FOCAD: variants seen among roughly 807,000 people sequenced by gnomAD.
The protein encoded by FOCAD is focadhesin.
A neutral mutation model predicts 225.6 loss-of-function variants in FOCAD; 198 were observed. That is an observed-to-expected ratio of 0.88 (90% CI 0.78 to 0.99). The LOEUF (loss-of-function observed/expected upper bound fraction) is 0.99. Ranked by LOEUF, FOCAD falls within the 50% of genes least tolerant of loss-of-function variation. The pLI, the probability that FOCAD is intolerant of heterozygous loss-of-function variation, is 0.00. For synonymous variants in FOCAD, 897 were observed against 755.0 expected, an observed-to-expected ratio of 1.19 and a Z score of -3.08; for missense variants, 2,713 against 2,123.6, an observed-to-expected ratio of 1.28 and a Z score of -5.46.
intron 11 of FOCAD, among the ~76,000 whole-genome samples, chr9:20,797,303 C>T (rs1037160405): frequency 2.6e-5 from 4 of 152,080 alleles, no homozygotes; most frequent in African/African-American, 7.2e-5. Flanking sequence ...AATGTGGGCT[C>T]CTTTTTGGTT....
rs1841047180 is a variant in FOCAD, at chr9:20,985,188, C to A, written c.4729-1100C>A. On this transcript the variant is annotated intron_variant, in intron 39 of 43. Transcript: ENST00000338382. ...CTCATATACTTTGTTACATTAAATT[C>A]CACAGGTCTGTTTTACACTTTGGGT... is the stretch of plus-strand genomic sequence containing the variant. 2.0e-5 allele frequency among the ~76,000 whole-genome samples: 3 copies of A among 152,308 alleles called. No individual in the cohort carries two copies. The South Asian group carries it at 6.2e-4, about 32-fold the overall frequency.
chr9:20,799,810 C>T (rs553495630), intron 11 of FOCAD, among the ~76,000 whole-genome samples: 2 of 151,974 alleles, frequency 1.3e-5, no homozygotes, highest in East Asian at 1.9e-4. Context: ...CAATTTGCCA[C>T]TCTGTGTCTT....
intron 11 of FOCAD, among the ~76,000 whole-genome samples, chr9:20,799,439 C>T (rs1201553347): frequency 2.0e-5 from 3 of 151,942 alleles, no homozygotes; most frequent in Non-Finnish European, 1.5e-5. Context: ...CTAATGTTGA[C>T]AGTGGGGTGT....
intron 15 of FOCAD, among the ~76,000 whole-genome samples, chr9:20,848,371 T>A (rs576399056): frequency 6.6e-6 from 1 of 152,192 alleles, no homozygotes; most frequent in African/African-American, 2.4e-5. Flanking sequence ...AGAGGTCTCA[T>A]GGCCTACAGT....
intron 29 of FOCAD, among the ~76,000 whole-genome samples, chr9:20,945,750 A>G (rs1440900800): frequency 1.3e-5 from 2 of 152,216 alleles, no homozygotes; most frequent in Non-Finnish European, 2.9e-5. Context: ...TTGATTTATA[A>G]GGCCTTAAGC....
intron 19 of FOCAD, 88 bp downstream of exon 19, chr9:20,874,895 A>G: frequency 6.7e-7 from 1 of 1,501,618 alleles, no homozygotes; most frequent in Non-Finnish European, 9.2e-7. Flanking sequence ...TACATAGTAT[A>G]GTTTAACCTT....
chr9:20,986,486 A>G (rs372164196), intron 40 of FOCAD, 21 bp downstream of exon 40: 15 of 1,569,662 alleles, frequency 9.6e-6, no homozygotes, highest in Non-Finnish European at 1.3e-5. Flanking sequence ...CCTGGGGTGA[A>G]CATCAGAAAC....
rs1015378882 is a variant in FOCAD at position 20,752,640 on chromosome 9, G to A, written c.393-5450G>A. ...TGGCTTAGGATTGACTCGGCGATGC[G>A]GGCTCTATTTTGGTTCCATATGAAC... On this transcript the variant is annotated intron_variant, in intron 5 of 43. Transcript: ENST00000338382. Among the ~76,000 whole-genome samples the A allele has an allele frequency of 1.5e-3, 229 of 151,966 alleles. 4 individuals are homozygous for A. Among genetic ancestry groups the A allele is most frequent in the Non-Finnish European group, 2.1e-3 (143 of 67,894 alleles).
At chr9:20,923,188 T>G (rs1443865973) in intron 24 of FOCAD, among the ~76,000 whole-genome samples, 1 of 152,154 alleles carries the variant, frequency 6.6e-6, no homozygotes, top group African/African-American at 2.4e-5. Context: ...AGTTGTAAGG[T>G]ATGCAGGCTG....
At chr9:20,915,593 T>C (rs1377141396) in intron 23 of FOCAD, among the ~76,000 whole-genome samples, 1 of 152,108 alleles carries the variant, frequency 6.6e-6, no homozygotes, top group South Asian at 2.1e-4. Context: ...TAGAAGGATC[T>C]AGAGAGAGTG....
At chr9:20,939,538 C>T (rs928938579) in intron 28 of FOCAD, among the ~76,000 whole-genome samples, 9 of 151,964 alleles carry the variant, frequency 5.9e-5, no homozygotes, top group African/African-American at 9.7e-5. Context: ...TGTTTAAATG[C>T]GGGGAGTACC....
intron 34 of FOCAD, 27 bp downstream of exon 34, chr9:20,951,125 A>G (rs1837650077): frequency 7.0e-6 from 11 of 1,572,612 alleles, no homozygotes; most frequent in Non-Finnish European, 9.6e-6. Flanking sequence ...AAAATACTGG[A>G]GCTGGAAGGG....
chr9:20,791,078 A>AG (rs1300469217), intron 11 of FOCAD, among the ~76,000 whole-genome samples: 1 of 152,182 alleles, frequency 6.6e-6, no homozygotes, highest in East Asian at 1.9e-4. Context: ...GACACTTGGT[A>AG]GGATAATCTC....
At chr9:20,727,856 C>G (rs1185627174) in intron 4 of FOCAD, among the ~76,000 whole-genome samples, 1 of 152,168 alleles carries the variant, frequency 6.6e-6, no homozygotes, top group Non-Finnish European at 1.5e-5. Flanking sequence ...CTCTTCAACC[C>G]AAACCCAAAC....
chr9:20,877,825 G>A (rs768023049), intron 19 of FOCAD, among the ~76,000 whole-genome samples: 7 of 152,060 alleles, frequency 4.6e-5, no homozygotes, highest in Non-Finnish European at 8.8e-5. Context: ...CGAGAGAGTC[G>A]CTTGAACCTG....
chr9:20,988,131 A>G (rs1421240967), intron 40 of FOCAD, among the ~76,000 whole-genome samples: 1 of 152,246 alleles, frequency 6.6e-6, no homozygotes, highest in Non-Finnish European at 1.5e-5. Context: ...ATCAAAGACC[A>G]AAATACTGTT....
At chr9:20,776,386 G>T (rs952610363) in intron 8 of FOCAD, among the ~76,000 whole-genome samples, 1 of 152,176 alleles carries the variant, frequency 6.6e-6, no homozygotes, top group African/African-American at 2.4e-5. Context: ...TTTGAAGTGT[G>T]CAAAGGGGAT....
intron 15 of FOCAD, among the ~76,000 whole-genome samples, chr9:20,830,195 A>G (rs1184646552): frequency 6.6e-6 from 1 of 152,042 alleles, no homozygotes; most frequent in Non-Finnish European, 1.5e-5. Flanking sequence ...TTTGAGAATG[A>G]TACTTGGACT....
intron 15 of FOCAD, among the ~76,000 whole-genome samples, chr9:20,837,193 A>G (rs530941328): frequency 6.6e-6 from 1 of 152,112 alleles, no homozygotes; most frequent in South Asian, 2.1e-4. Context: ...GGCTTTTTGT[A>G]TGAAAAGTTC....
Sources: gnomAD v4.1 joint callset for allele counts (sites outside exome capture counted in the v4.1 genomes callset) on GRCh38, gnomAD v4.1.1 for gene constraint, MANE v1.5 for transcripts, NCBI Gene and HGNC (gene_info 2026-07-23, HGNC 2026-07-21) for gene names.